The following FBXO32 variants were observed in gnomAD, a reference collection of about 807,000 sequenced individuals.
FBXO32 encodes the protein F-box protein 32.
FBXO32 carries 15 observed loss-of-function variants against 48.3 expected under a neutral mutation model. That is an observed-to-expected ratio of 0.31 (90% CI 0.21 to 0.48). The LOEUF is 0.48. Ranked by LOEUF, FBXO32 falls within the 20% of genes least tolerant of loss-of-function variation. The pLI is 0.99. For missense variants in FBXO32, 309 were observed against 432.7 expected (o/e 0.71, Z 2.54); for synonymous variants, 154 against 165.9 (o/e 0.93, Z 0.55).
At chr8:123,524,461 T>G (rs191180626) in intron 4 of FBXO32, among the ~76,000 whole-genome samples, 1 of 152,322 alleles carries the variant, frequency 6.6e-6, no homozygotes, top group African/African-American at 2.4e-5. Context: ...TACCAAGATG[T>G]GGTAGAGGCA....
chr8:123,517,632 A>AGGT (rs1024983976), intron 4 of FBXO32, among the ~76,000 whole-genome samples: 118 of 151,514 alleles, frequency 7.8e-4, no homozygotes, highest in African/African-American at 2.8e-3. Flanking sequence ...GCATCGTGGT[A>AGGT]GGTGACAGGG....
At chr8:123,535,467 C>T (rs1017075043) in intron 1 of FBXO32, among the ~76,000 whole-genome samples, 6 of 152,184 alleles carry the variant, frequency 3.9e-5, no homozygotes, top group African/African-American at 1.4e-4. Context: ...ACACACTAGG[C>T]ATCATGCTGT....
chr8:123,537,741 C>G (rs1176429212), intron 1 of FBXO32, among the ~76,000 whole-genome samples: 1 of 152,218 alleles, frequency 6.6e-6, no homozygotes, highest in African/African-American at 2.4e-5. Context: ...GCCTTGCACA[C>G]AGTAAGCACT....
chr8:123,509,633 A>G (rs997593901), intron 6 of FBXO32, among the ~76,000 whole-genome samples: 1 of 152,186 alleles, frequency 6.6e-6, no homozygotes, highest in Non-Finnish European at 1.5e-5. Context: ...CCAGGAGGCC[A>G]AGGCTGCAGT....
At chr8:123,523,308 T>C (rs61559825) in intron 4 of FBXO32, among the ~76,000 whole-genome samples, 13,123 of 152,144 alleles carry the variant, frequency 0.086, 648 homozygotes, top group Non-Finnish European at 0.098. Context: ...ATAGAAAACA[T>C]TGACCAGGTG....
intron 6 of FBXO32, among the ~76,000 whole-genome samples, chr8:123,508,072 C>T (rs150109373): frequency 1.7e-4 from 26 of 152,236 alleles, no homozygotes; most frequent in African/African-American, 5.3e-4. Context: ...TCTGGGTGAG[C>T]TCTTGATTTT....
At chr8:123,508,359 A>AG (rs1816670827) in intron 6 of FBXO32, among the ~76,000 whole-genome samples, 1 of 152,126 alleles carries the variant, frequency 6.6e-6, no homozygotes. Flanking sequence ...AGCAGTGGCA[A>AG]GGGGCCTTGG....
At chr8:123,520,319 G>T (rs1424663486) in intron 4 of FBXO32, among the ~76,000 whole-genome samples, 1 of 152,146 alleles carries the variant, frequency 6.6e-6, no homozygotes, top group African/African-American at 2.4e-5. Context: ...GAGAGGCAGG[G>T]GGAGGGAAGG....
At position 123,525,263 on chromosome 8, in the gene FBXO32, A is replaced by G. The variant is rs956753740; in HGVS notation, c.372+6635T>C. On this transcript the variant is annotated intron_variant, in intron 4 of 8. Transcript: ENST00000517956. The surrounding 1 kb of genome is among the most constrained non-coding windows in gnomAD (Gnocchi z 4.3). ...AACGCAGAAAAAAATAAGAATGTGCATCAGTTTAGGTTGTGATGCTCTGCT... is the reference window on the plus strand; with the variant it reads ...AACGCAGAAAAAAATAAGAATGTGCGTCAGTTTAGGTTGTGATGCTCTGCT... Among the ~76,000 whole-genome samples the G allele has an allele frequency of 2.6e-5, 4 of 152,208 alleles. No individual in the cohort carries two copies. The highest frequency in any genetic ancestry group is 9.6e-5 in the African/African-American group (4 of 41,462).
chr8:123,530,514 G>A (rs1817178374), intron 4 of FBXO32, among the ~76,000 whole-genome samples: 1 of 152,190 alleles, frequency 6.6e-6, no homozygotes, highest in East Asian at 1.9e-4. Context: ...AGCTTTGGAG[G>A]GCAGGCAGGG....
Position 123,498,711 on chromosome 8 carries a change from C to G in FBXO32, c.*4662G>C, listed in dbSNP as rs774724785. 1.3e-5 allele frequency: 2 copies of G among 152,164 alleles called. No homozygotes were observed. The highest frequency in any genetic ancestry group is 2.9e-5 in the Non-Finnish European group (2 of 68,034). The allele number at this position is 152,164 out of a possible 1,614,324, so 9.4% of individuals were successfully genotyped here. A position where few individuals can be genotyped will look rare whatever the true frequency, so the allele number is the denominator to read the frequency against. ...CTTCGGAATCTCAGTTTCTAGGGAGCAAGCCACTGCCCAGCCCTTCTGTCT... is the reference window on the plus strand; with the variant it reads ...CTTCGGAATCTCAGTTTCTAGGGAGGAAGCCACTGCCCAGCCCTTCTGTCT... On this transcript the variant is annotated 3_prime_UTR_variant, in exon 9 of 9. Coordinates refer to ENST00000517956, the MANE Select transcript of FBXO32 (RefSeq NM_058229.4).
At chr8:123,508,325 A>G (rs2130506761) in intron 6 of FBXO32, among the ~76,000 whole-genome samples, 1 of 152,284 alleles carries the variant, frequency 6.6e-6, no homozygotes, top group African/African-American at 2.4e-5. Flanking sequence ...CCAGCAAGGC[A>G]GGGTAGGCAC....
chr8:123,507,474 T>TGTGTGC (rs1368280978), intron 6 of FBXO32, among the ~76,000 whole-genome samples: 1 of 151,286 alleles, frequency 6.6e-6, no homozygotes, highest in Non-Finnish European at 1.5e-5. Flanking sequence ...TGTGTGTGTG[T>TGTGTGC]GTGTGTACGT....
At chr8:123,515,765 A>AGGT (rs1371045251) in intron 4 of FBXO32, among the ~76,000 whole-genome samples, 1 of 151,988 alleles carries the variant, frequency 6.6e-6, no homozygotes, top group East Asian at 2.0e-4. Context: ...AGGCCAAGGC[A>AGGT]GGTAGATCAC....
chr8:123,514,913 G>A (rs1816807161), intron 4 of FBXO32, among the ~76,000 whole-genome samples: 1 of 152,224 alleles, frequency 6.6e-6, no homozygotes, highest in African/African-American at 2.4e-5. Flanking sequence ...CACAGGAAGA[G>A]AGAGAAATTC....
chr8:123,519,349 C>G (rs527285519), intron 4 of FBXO32, among the ~76,000 whole-genome samples: 2 of 152,026 alleles, frequency 1.3e-5, no homozygotes, highest in Admixed American at 1.3e-4. Flanking sequence ...GTGAGGAGAT[C>G]GAGACCATCC....
In FBXO32 at chr8:123,540,917, A is replaced by C; in HGVS notation, c.98T>G (p.Phe33Cys). ...KRFLDEKSGS[F>C]VSDLSSYCNK... Reference sequence around the variant, plus strand: ...CCCTCACCTGCTGAGGTCGCTCACGAAACTGCCGCTCTTCTCATCCAGGAA... The same window carrying C: ...CCCTCACCTGCTGAGGTCGCTCACGCAACTGCCGCTCTTCTCATCCAGGAA... Residue 33 changes from phenylalanine (F) to cysteine (C), a missense_variant, in exon 1 of 9, where the codon TTC becomes TGC. By Grantham distance (205) the Phe-to-Cys change is radical. Transcript: ENST00000517956. The surrounding 1 kb of genome is among the most constrained non-coding windows in gnomAD (Gnocchi z 6.4). 1 of 1,613,444 alleles carries C rather than the reference A, an allele frequency of 6.2e-7. No individual in the cohort carries two copies. The highest frequency in any genetic ancestry group is 8.5e-7 in the Non-Finnish European group (1 of 1,179,660).
intron 8 of FBXO32, 24 bp downstream of exon 8, chr8:123,504,580 G>A (rs542645919): frequency 1.9e-6 from 3 of 1,603,754 alleles, no homozygotes; most frequent in African/African-American, 1.3e-5. Flanking sequence ...GGGGGTCTGT[G>A]GCAGCCACCT....
Position 123,500,592 on chromosome 8 carries a change from C to T in FBXO32, c.*2781G>A, listed in dbSNP as rs1339239927. Reference sequence around the variant, plus strand: ...GTTCAAAGAGCAAGAATTGTCTTAACTCTCTTCACTTATATGTGAGGCTCT... The same window carrying T: ...GTTCAAAGAGCAAGAATTGTCTTAATTCTCTTCACTTATATGTGAGGCTCT... On this transcript the variant is annotated 3_prime_UTR_variant, in exon 9 of 9. Coordinates refer to ENST00000517956, the MANE Select transcript of FBXO32 (RefSeq NM_058229.4). The T allele has an allele frequency of 6.6e-6, 1 of 152,200 alleles. No individual in the cohort carries two copies. The highest frequency in any genetic ancestry group is 1.5e-5 in the Non-Finnish European group (1 of 68,042). 9.4% of individuals were successfully genotyped at this position (152,200 alleles called of 1,614,324 possible).
Sources: allele counts gnomAD v4.1 joint callset (sites outside exome capture counted in the v4.1 genomes callset), GRCh38; gene constraint gnomAD v4.1.1; non-coding constraint Gnocchi (gnomAD v3.1); transcripts MANE v1.5; gene names NCBI Gene and HGNC (gene_info 2026-07-23, HGNC 2026-07-21).